CNBD1: variants seen among roughly 807,000 people sequenced by gnomAD.
CNBD1 encodes the protein cyclic nucleotide-binding domain-containing protein 1.
In CNBD1, 71 loss-of-function variants were observed where a neutral mutation model predicts 54.4. The observed-to-expected ratio is 1.30, with a 90% CI of 1.08 to 1.59. The LOEUF (loss-of-function observed/expected upper bound fraction) is 1.59. Among genes scored for constraint, CNBD1 ranks in the 40% most tolerant of loss-of-function variants. CNBD1 has a pLI of 0.00. For missense variants in CNBD1, 659 were observed against 518.0 expected, an observed-to-expected ratio of 1.27 and a Z score of -2.64; for synonymous variants, 182 against 170.7, an observed-to-expected ratio of 1.07 and a Z score of -0.51.
chr8:87,424,611 C>T (rs979022615), intron 2 of CNBD1, among the ~76,000 whole-genome samples: 1 of 152,132 alleles, frequency 6.6e-6, no homozygotes, highest in Non-Finnish European at 1.5e-5. Context: ...ATCCTGAGTT[C>T]TAGTTTGATT....
At chr8:87,327,819 G>C (rs1300225222) in intron 8 of CNBD1, among the ~76,000 whole-genome samples, 1 of 152,122 alleles carries the variant, frequency 6.6e-6, no homozygotes, top group Non-Finnish European at 1.5e-5. Context: ...GGCCATCTTG[G>C]CTCCTCCCCC....
intron 4 of CNBD1, among the ~76,000 whole-genome samples, chr8:87,139,355 G>T (rs1358170834): frequency 6.6e-6 from 1 of 152,198 alleles, no homozygotes; most frequent in Non-Finnish European, 1.5e-5. Flanking sequence ...AAACAATTGT[G>T]TCTCAGGAAG....
chr8:87,342,422 A>T (rs1731808803), intron 8 of CNBD1, among the ~76,000 whole-genome samples: 1 of 152,220 alleles, frequency 6.6e-6, no homozygotes, highest in Non-Finnish European at 1.5e-5. Flanking sequence ...TATTTCTCTC[A>T]GTTACTACAT....
intron 6 of CNBD1, among the ~76,000 whole-genome samples, chr8:87,248,990 C>G (rs1807861339): frequency 6.6e-6 from 1 of 152,142 alleles, no homozygotes; most frequent in South Asian, 2.1e-4. Context: ...TATATCAACT[C>G]ACTACTATAA....
chr8:87,387,519 A>G (rs1251773859), downstream of CNBD1, among the ~76,000 whole-genome samples: 2 of 152,186 alleles, frequency 1.3e-5, no homozygotes, highest in African/African-American at 2.4e-5. Flanking sequence ...AAGCCATTAC[A>G]TAATGGTAAA....
chr8:87,112,936 G>C (rs1811694161), intron 4 of CNBD1, among the ~76,000 whole-genome samples: 1 of 152,158 alleles, frequency 6.6e-6, no homozygotes, highest in South Asian at 2.1e-4. Context: ...AAAACAACCT[G>C]TAAAGAAGTA....
intron 1 of CNBD1, among the ~76,000 whole-genome samples, chr8:86,873,103 G>GTT (rs34594723): frequency 2.0e-4 from 28 of 137,974 alleles, no homozygotes; most frequent in Admixed American, 2.9e-4. Flanking sequence ...TGTTGTTTTA[G>GTT]TTTTTTTTTT....
chr8:87,015,134 C>A (rs1809326302), intron 4 of CNBD1, among the ~76,000 whole-genome samples: 1 of 152,104 alleles, frequency 6.6e-6, no homozygotes, highest in Non-Finnish European at 1.5e-5. Context: ...GAATACAAAA[C>A]TAAATAATTG....
chr8:86,939,630 C>T lies in CNBD1; in HGVS notation c.307C>T (p.Gln103Ter), dbSNP rs1809614327. 1.3e-6 allele frequency: 2 copies of T among 1,598,508 alleles called. No individual in the cohort carries two copies. The highest frequency in any genetic ancestry group is 1.7e-6 in the Non-Finnish European group (2 of 1,174,164). The change falls in exon 4 of 11, where the codon CAA (glutamine) becomes TAA (stop). Residue 103 changes from glutamine to a stop codon, truncating the protein, a stop_gained. Coordinates refer to ENST00000518476, the MANE Select transcript of CNBD1 (RefSeq NM_173538.3). LOFTEE classifies it high-confidence loss of function. The stretch of plus-strand genomic sequence containing the variant: ...TGAAGGCAAAGAGGAAAGTCAACAT[C>T]AACAACCTGATGATTCTAACAATAT... ...LNEGKEESQH[Q>*]QPDDSNNIAV...
intron 8 of CNBD1, among the ~76,000 whole-genome samples, chr8:87,308,383 C>G (rs1305071203): frequency 1.3e-5 from 2 of 152,130 alleles, no homozygotes; most frequent in Non-Finnish European, 2.9e-5. Context: ...TCCTGCAGCT[C>G]TCAGAATTAG....
Position 87,366,460 on chromosome 8 carries a change from G to A in CNBD1, c.1303+12674G>A, listed in dbSNP as rs539341321. Among the ~76,000 whole-genome samples the A allele has an allele frequency of 1.9e-4, 29 of 152,002 alleles. No individual in the cohort carries two copies. The East Asian group carries it at 2.3e-3, about 12-fold the overall frequency. ...ATTCCTTCTGCTGACCCTCTCTCTC[G>A]TTTTGAATCTTTCTCTTCCCTGCCA... On this transcript the variant is annotated intron_variant, in intron 10 of 10. Transcript: ENST00000518476.
intron 4 of CNBD1, among the ~76,000 whole-genome samples, chr8:87,033,575 A>T (rs1033189771): frequency 6.6e-6 from 1 of 152,086 alleles, no homozygotes; most frequent in African/African-American, 2.4e-5. Context: ...CTGATTATAA[A>T]CCCAAATGAA....
chr8:87,197,871 C>T (rs997432103), intron 4 of CNBD1, among the ~76,000 whole-genome samples: 3 of 152,080 alleles, frequency 2.0e-5, no homozygotes, highest in African/African-American at 7.2e-5. Flanking sequence ...TCCCTAACCC[C>T]TTGTCATTAG....
chr8:87,035,371 G>T (rs1456696412), intron 4 of CNBD1, among the ~76,000 whole-genome samples: 1 of 152,030 alleles, frequency 6.6e-6, no homozygotes, highest in Non-Finnish European at 1.5e-5. Flanking sequence ...GATATTTTTG[G>T]AGTCCCCAGT....
chr8:87,156,187 G>A (rs1812730186), intron 4 of CNBD1, among the ~76,000 whole-genome samples: 1 of 149,434 alleles, frequency 6.7e-6, no homozygotes, highest in South Asian at 2.1e-4. Context: ...AAGCTGAAGA[G>A]TTTCCACTTG....
In CNBD1 at chr8:86,909,145, A is replaced by G. The variant is rs114851934; in HGVS notation, c.272+3951A>G. Among the ~76,000 whole-genome samples the G allele has an allele frequency of 8.8e-3, 1,340 of 152,296 alleles. 23 individuals carry two copies. Among genetic ancestry groups the G allele is most frequent in the African/African-American group, 0.031 (1,278 of 41,554 alleles). Reference sequence around the variant, plus strand: ...ATTTTTTTTAAAACAACAACAACAAAATGTGATTGCCATTTTGAGCCATCT... The same window carrying G: ...ATTTTTTTTAAAACAACAACAACAAGATGTGATTGCCATTTTGAGCCATCT... On this transcript the variant is annotated intron_variant, in intron 3 of 10. Transcript: ENST00000518476.
chr8:87,378,944 G>T (rs975875774), intron 10 of CNBD1, among the ~76,000 whole-genome samples: 11 of 148,928 alleles, frequency 7.4e-5, no homozygotes, highest in Non-Finnish European at 1.5e-4. Context: ...CTCATGATTT[G>T]GCTCTCTGTT....
chr8:86,942,366 G>T (rs982168183), intron 4 of CNBD1, among the ~76,000 whole-genome samples: 1 of 152,096 alleles, frequency 6.6e-6, no homozygotes, highest in Admixed American at 6.5e-5. Context: ...GGTTTATCTG[G>T]TCCTCTGCTC....
intron 10 of CNBD1, among the ~76,000 whole-genome samples, chr8:87,354,618 C>T (rs1162164949): frequency 6.6e-6 from 1 of 151,536 alleles, no homozygotes; most frequent in East Asian, 1.9e-4. Context: ...CATGTGTTCT[C>T]ATTGTTCAAT....
Sources: gnomAD v4.1 joint callset for allele counts (sites outside exome capture counted in the v4.1 genomes callset) on GRCh38, gnomAD v4.1.1 for gene constraint, MANE v1.5 for transcripts, NCBI Gene and HGNC (gene_info 2026-07-23, HGNC 2026-07-21) for gene names.